COL4A5: variants seen among roughly 807,000 people sequenced by gnomAD.
COL4A5 encodes the protein collagen alpha-5(IV) chain.
COL4A5 carries 26 observed loss-of-function variants against 130.2 expected under a neutral mutation model. The ratio of observed to expected loss-of-function variants is 0.20; its 90% CI spans 0.15 to 0.28. COL4A5 has a LOEUF of 0.28. Ranked by LOEUF, COL4A5 falls within the 10% of genes least tolerant of loss-of-function variation. The pLI is 1.00. For missense variants in COL4A5, 1,131 were observed against 1,344.3 expected (o/e 0.84, Z 2.48); for synonymous variants, 496 against 439.6 (o/e 1.13, Z -1.60).
At chrX:108,540,003 A>G (rs1444626935) in intron 2 of COL4A5, among the ~76,000 whole-genome samples, 198 bp downstream of exon 2, 2 of 112,130 alleles carry the variant, frequency 1.8e-5, no homozygotes, top group Non-Finnish European at 3.8e-5. Flanking sequence ...AAAAGGCCAT[A>G]TAGCAAACAT....
intron 1 of COL4A5, among the ~76,000 whole-genome samples, chrX:108,522,880 C>CTT (rs746440433): frequency 6.3e-5 from 6 of 95,143 alleles, no homozygotes; most frequent in Admixed American, 1.1e-4. Flanking sequence ...AAAAAAATTA[C>CTT]TTTTTTTTTT....
At chrX:108,689,054 ATCT>A (rs1220964880) in intron 49 of COL4A5, among the ~76,000 whole-genome samples, 1 of 110,968 alleles carries the variant, frequency 9.0e-6, no homozygotes, top group Non-Finnish European at 1.9e-5. Flanking sequence ...TTTCTTTTCC[ATCT>A]TCTTTTTTTC....
chrX:108,502,481 T>C (rs780183376), intron 1 of COL4A5, among the ~76,000 whole-genome samples: 1 of 109,865 alleles, frequency 9.1e-6, no homozygotes, highest in Non-Finnish European at 1.9e-5. Flanking sequence ...GACGGGGTTT[T>C]TCCATGTTAG....
At chrX:108,593,201 T>G (rs2066463182) in intron 21 of COL4A5, among the ~76,000 whole-genome samples, 1 of 111,531 alleles carries the variant, frequency 9.0e-6, no homozygotes, top group Non-Finnish European at 1.9e-5. Context: ...ATTGCTGGGT[T>G]ATAGGTTAGG....
intron 37 of COL4A5, among the ~76,000 whole-genome samples, chrX:108,658,649 AG>A (rs938518649): frequency 1.8e-5 from 2 of 111,641 alleles, no homozygotes; most frequent in African/African-American, 6.5e-5. Flanking sequence ...GTGTTTTTCA[AG>A]GAAATTGACC....
chrX:108,681,216 T>G (rs1031550198), intron 46 of COL4A5, among the ~76,000 whole-genome samples: 1 of 111,407 alleles, frequency 9.0e-6, no homozygotes, highest in African/African-American at 3.3e-5. Context: ...CTATACTAAC[T>G]TCCCCAAATT....
intron 1 of COL4A5, among the ~76,000 whole-genome samples, chrX:108,474,780 A>G (rs1034621727): frequency 9.0e-6 from 1 of 111,405 alleles, no homozygotes; most frequent in Non-Finnish European, 1.9e-5. Flanking sequence ...TCTATAAGGG[A>G]TGAGATAAGA....
In COL4A5 at chrX:108,626,195, A is replaced by T. The variant is rs781631347; in HGVS notation, c.3107-15A>T. The T allele has an allele frequency of 8.3e-6, 10 of 1,199,203 alleles. No homozygotes were observed. In the South Asian group the frequency reaches 1.8e-4, roughly 21 times the overall value. On this transcript the variant is annotated splice_polypyrimidine_tract_variant and intron_variant, in intron 35 of 52. Coordinates refer to ENST00000328300, the MANE Select transcript of COL4A5 (RefSeq NM_033380.3). ...CATATTTTGTAAAATATTATATATC[A>T]CATATTTTCAACAGGGCCTCAGGGT...
At chrX:108,605,215 G>A (rs185773187) in intron 28 of COL4A5, among the ~76,000 whole-genome samples, 144 of 112,121 alleles carry the variant, frequency 1.3e-3, no homozygotes, top group African/African-American at 4.1e-3. Flanking sequence ...TCCTCACTAA[G>A]TTTAATTATT....
chrX:108,593,807 A>G (rs774153478), intron 21 of COL4A5, among the ~76,000 whole-genome samples: 57 of 112,221 alleles, frequency 5.1e-4, no homozygotes, highest in Non-Finnish European at 9.6e-4. Flanking sequence ...TATCTTAATT[A>G]CTGTGGCTTT....
At chrX:108,580,895 A>G in intron 15 of COL4A5, 88 bp from the exon 16 acceptor site, 1 of 1,023,736 alleles carries the variant, frequency 9.8e-7, no homozygotes, top group South Asian at 1.9e-5. Flanking sequence ...AGTCCAAGCC[A>G]GGAATAAAGC....
intron 36 of COL4A5, among the ~76,000 whole-genome samples, chrX:108,643,551 G>C (rs1359177721): frequency 9.0e-6 from 1 of 111,630 alleles, no homozygotes; most frequent in African/African-American, 3.3e-5. Flanking sequence ...AGGGATTGGG[G>C]CCCTATCTTC....
intron 7 of COL4A5, 122 bp downstream of exon 7, chrX:108,571,588 A>C: frequency 1.1e-5 from 7 of 651,905 alleles, no homozygotes; most frequent in Non-Finnish European, 1.7e-5. Context: ...AATAAACTAG[A>C]GGAAAATGTT....
intron 37 of COL4A5, among the ~76,000 whole-genome samples, chrX:108,659,640 G>A (rs779094986): frequency 9.1e-6 from 1 of 110,046 alleles, no homozygotes; most frequent in African/African-American, 3.3e-5. Flanking sequence ...TTATCATTAT[G>A]TAAAGACCCT....
At chrX:108,464,892 A>G (rs2064689122) in intron 1 of COL4A5, among the ~76,000 whole-genome samples, 1 of 111,941 alleles carries the variant, frequency 8.9e-6, no homozygotes, top group Non-Finnish European at 1.9e-5. Flanking sequence ...TTTCCCTTCT[A>G]CTTTCTAAAA....
intron 1 of COL4A5, among the ~76,000 whole-genome samples, chrX:108,448,305 A>G (rs760782454): frequency 5.5e-4 from 62 of 112,564 alleles, no homozygotes; most frequent in Non-Finnish European, 1.1e-3. Context: ...AGCAAGTTCT[A>G]TTCTGGTTAA....
intron 29 of COL4A5, among the ~76,000 whole-genome samples, chrX:108,614,583 A>T (rs1466406668): frequency 8.9e-6 from 1 of 112,029 alleles, no homozygotes; most frequent in African/African-American, 3.2e-5. Flanking sequence ...TATCTATCTT[A>T]AAATATAGGT....
chrX:108,541,774 G>A (rs1055843989), intron 2 of COL4A5, among the ~76,000 whole-genome samples: 1 of 112,400 alleles, frequency 8.9e-6, no homozygotes, highest in East Asian at 2.8e-4. Flanking sequence ...ACCGTTGTCC[G>A]TTGAAAGGAG....
intron 1 of COL4A5, among the ~76,000 whole-genome samples, chrX:108,484,073 AC>A (rs778229443): frequency 2.7e-5 from 3 of 111,150 alleles, no homozygotes; most frequent in East Asian, 5.7e-4. Flanking sequence ...TTTTCTATTC[AC>A]TTTGCTGATA....
Sources: gnomAD v4.1 joint callset for allele counts (sites outside exome capture counted in the v4.1 genomes callset) on GRCh38, gnomAD v4.1.1 for gene constraint, MANE v1.5 for transcripts, NCBI Gene and HGNC (gene_info 2026-07-23, HGNC 2026-07-21) for gene names.